EYA2: variants seen among roughly 807,000 people sequenced by gnomAD.
EYA2 encodes the protein EYA transcriptional coactivator and phosphatase 2, also known as protein phosphatase EYA2.
Under a neutral mutation model 69.2 loss-of-function variants are expected in EYA2, and 31 were observed. The observed-to-expected ratio is 0.45, with a 90% confidence interval of 0.34 to 0.60. The LOEUF (loss-of-function observed/expected upper bound fraction) is 0.60, where lower values mean the gene tolerates loss of function less well. Ranked by LOEUF, EYA2 falls within the 20% of genes least tolerant of loss-of-function variation. The probability of loss-of-function intolerance (pLI) is 0.02; values close to 1 mark genes in which losing one functional copy is unlikely to be tolerated. For synonymous variants in EYA2, 257 were observed against 279.4 expected, an observed-to-expected ratio of 0.92 and a Z score of 0.80; for missense variants, 622 against 701.2, an observed-to-expected ratio of 0.89 and a Z score of 1.28.
chr20:47,168,898 T>G (rs534531782), intron 10 of EYA2, among the ~76,000 whole-genome samples: 2 of 152,282 alleles, frequency 1.3e-5, no homozygotes, highest in East Asian at 3.9e-4. Context: ...AGTATCTGTA[T>G]GGTCACTTTC....
At chr20:46,899,290 C>T (rs968650736) in intron 1 of EYA2, among the ~76,000 whole-genome samples, 16 of 152,190 alleles carry the variant, frequency 1.1e-4, no homozygotes, top group African/African-American at 3.4e-4. Flanking sequence ...ATGCACAGAA[C>T]ACAGTTATTT....
At chr20:46,965,106 G>A (rs987150393) in intron 1 of EYA2, among the ~76,000 whole-genome samples, 2 of 152,134 alleles carry the variant, frequency 1.3e-5, no homozygotes, top group Admixed American at 6.5e-5. Context: ...TGCCTGCATC[G>A]CAGGAGTGTG....
chr20:47,080,262 A>G (rs953086738), intron 7 of EYA2, among the ~76,000 whole-genome samples: 6 of 152,176 alleles, frequency 3.9e-5, no homozygotes, highest in Non-Finnish European at 8.8e-5. Flanking sequence ...GAAGAAATCA[A>G]TGGGAAATTA....
chr20:46,915,992 C>T (rs1403483429), intron 1 of EYA2, among the ~76,000 whole-genome samples: 4 of 152,118 alleles, frequency 2.6e-5, no homozygotes, highest in Non-Finnish European at 5.9e-5. Flanking sequence ...AAAGATCAAC[C>T]GAAATGACCA....
intron 9 of EYA2, among the ~76,000 whole-genome samples, chr20:47,120,244 C>T (rs530388389): frequency 7.9e-5 from 12 of 151,806 alleles, no homozygotes; most frequent in African/African-American, 2.9e-4. Context: ...GGCATGGTGG[C>T]GTGTGCCTGT....
intron 15 of EYA2, among the ~76,000 whole-genome samples, chr20:47,187,053 A>C (rs1317438747): frequency 8.8e-6 from 1 of 113,276 alleles, no homozygotes; most frequent in African/African-American, 3.7e-5. Context: ...CTCCATCTCT[A>C]AAATTAAAAA....
At chr20:47,045,625 G>A (rs2029994062) in intron 5 of EYA2, among the ~76,000 whole-genome samples, 1 of 152,230 alleles carries the variant, frequency 6.6e-6, no homozygotes, top group Admixed American at 6.5e-5. Flanking sequence ...CGTTCTGCCT[G>A]AAGCTGCCCC....
intron 3 of EYA2, among the ~76,000 whole-genome samples, chr20:47,004,166 T>C (rs1982547602): frequency 6.6e-6 from 1 of 152,186 alleles, no homozygotes; most frequent in Non-Finnish European, 1.5e-5. Context: ...CTGATATAAG[T>C]CTAAAAGCAT....
intron 4 of EYA2, among the ~76,000 whole-genome samples, chr20:47,012,229 A>G (rs968198669): frequency 2.0e-5 from 3 of 152,218 alleles, no homozygotes; most frequent in Non-Finnish European, 4.4e-5. Flanking sequence ...ACTTGCAGAT[A>G]GTTCACGAGC....
At chr20:46,952,437 C>T (rs1164678425) in intron 1 of EYA2, among the ~76,000 whole-genome samples, 3 of 152,146 alleles carry the variant, frequency 2.0e-5, no homozygotes, top group Admixed American at 1.3e-4. Flanking sequence ...TTTTAGAAAT[C>T]GGTGTGATGA....
At position 47,089,377 on chromosome 20, in the gene EYA2, T is replaced by C. The variant is rs779683579; in HGVS notation, c.800T>C (p.Ile267Thr). ...CCGTCCCCGGCAGGGGACAATGAGA[T>C]TGAGGTAATCCAAAGGGGCTCTGTG... Reference protein sequence around the residue: ...SDPSPAGDNEIERVFVWDLDE... With the variant: ...SDPSPAGDNETERVFVWDLDE... Residue 267 changes from isoleucine to threonine, a missense_variant, in exon 8 of 16, where the codon ATT becomes ACT. Ile to Thr is a moderately conservative substitution (Grantham distance 89). This residue lies in a region of EYA2 where 365 missense variants were observed against 349.7 expected (regional missense o/e 1.04). Transcript: ENST00000327619. 4 of 1,612,708 alleles carry C rather than the reference T, an allele frequency of 2.5e-6. No homozygotes were observed. Among genetic ancestry groups the C allele is most frequent in the Admixed American group, 3.3e-5 (2 of 59,710 alleles).
intron 1 of EYA2, among the ~76,000 whole-genome samples, chr20:46,965,172 C>G (rs1398150099): frequency 6.6e-6 from 1 of 152,168 alleles, no homozygotes; most frequent in Non-Finnish European, 1.5e-5. Context: ...TAGAACTGAG[C>G]CCGACCTTGG....
chr20:46,939,991 A>G (rs73303687), intron 1 of EYA2, among the ~76,000 whole-genome samples: 10,243 of 152,270 alleles, frequency 0.067, 1,053 homozygotes, highest in African/African-American at 0.22. Context: ...TAAGTGCTCA[A>G]TAAAATGTAG....
chr20:47,001,558 A>G, intron 3 of EYA2, 85 bp downstream of exon 3: 2 of 1,395,414 alleles, frequency 1.4e-6, no homozygotes, highest in Non-Finnish European at 2.0e-6. Flanking sequence ...AGGGCCCTGG[A>G]GCCAGATTCC....
intron 5 of EYA2, among the ~76,000 whole-genome samples, chr20:47,032,256 T>G (rs953938522): frequency 4.6e-5 from 7 of 152,210 alleles, no homozygotes; most frequent in African/African-American, 1.4e-4. Flanking sequence ...GTTATGTGCT[T>G]CTTTCCCTGG....
At chr20:46,968,293 T>A (rs1342074450) in intron 1 of EYA2, among the ~76,000 whole-genome samples, 1 of 152,246 alleles carries the variant, frequency 6.6e-6, no homozygotes, top group East Asian at 1.9e-4. Context: ...CTGCACCTTT[T>A]ACTGTAACAT....
intron 8 of EYA2, among the ~76,000 whole-genome samples, chr20:47,090,988 G>T (rs6018269): frequency 6.6e-6 from 1 of 152,078 alleles, no homozygotes; most frequent in Non-Finnish European, 1.5e-5. Flanking sequence ...GAGTGTGCTA[G>T]GTGTCTCGGT....
Position 47,004,967 on chromosome 20 carries a change from CA to C in EYA2, c.182del (p.Gln61ArgfsTer47), listed in dbSNP as rs1257934041. The C allele has an allele frequency of 6.2e-7, 1 of 1,614,140 alleles. No individual in the cohort carries two copies. Among genetic ancestry groups the C allele is most frequent in the East Asian group, 2.2e-5 (1 of 44,868 alleles). On this transcript the variant is annotated frameshift_variant, in exon 4 of 16. Coordinates refer to ENST00000327619, the MANE Select transcript of EYA2 (RefSeq NM_005244.5). LOFTEE classifies it high-confidence loss of function. The stretch of plus-strand genomic sequence containing the variant: ...ATCTTGCCCACGTGTCCTCCCCCGC[CA>C]GCCTTCCACAGCCATGGCAGCCTAC... ...SRSCPRVLPR[Q>X]PSTAMAAYGQ...
chr20:47,123,680 A>G (rs1006560991), intron 9 of EYA2, among the ~76,000 whole-genome samples: 1 of 152,202 alleles, frequency 6.6e-6, no homozygotes, highest in African/African-American at 2.4e-5. Flanking sequence ...AGGCATCAAG[A>G]ATAAAGGGGA....
Sources: allele counts gnomAD v4.1 joint callset (sites outside exome capture counted in the v4.1 genomes callset), GRCh38; gene constraint gnomAD v4.1.1; regional missense constraint gnomAD v4.1.1; transcripts MANE v1.5; gene names NCBI Gene and HGNC (gene_info 2026-07-23, HGNC 2026-07-21).